RBFOX1: variants seen among roughly 807,000 people sequenced by gnomAD.
The protein encoded by RBFOX1 is RNA binding protein fox-1 homolog 1.
A neutral mutation model predicts 57.7 loss-of-function variants in RBFOX1; 8 were observed. The observed-to-expected ratio is 0.14, with a 90% confidence interval of 0.08 to 0.25. The LOEUF (loss-of-function observed/expected upper bound fraction) is 0.25. Among genes scored for constraint, RBFOX1 ranks in the 10% least tolerant of loss-of-function variants. RBFOX1 has a pLI of 1.00. For missense variants in RBFOX1, 611 were observed against 548.5 expected, an observed-to-expected ratio of 1.11 and a Z score of -1.14; for synonymous variants, 326 against 222.4, an observed-to-expected ratio of 1.47 and a Z score of -4.15.
At chr16:7,045,267 C>T (rs372445494) in intron 3 of RBFOX1, among the ~76,000 whole-genome samples, 1 of 152,016 alleles carries the variant, frequency 6.6e-6, no homozygotes, top group Admixed American at 6.6e-5. Context: ...TGAAATGGAA[C>T]AGGTGCATGA....
intron 3 of RBFOX1, among the ~76,000 whole-genome samples, chr16:6,677,218 A>G (rs2057884181): frequency 6.6e-6 from 1 of 152,186 alleles, no homozygotes; most frequent in Non-Finnish European, 1.5e-5. Flanking sequence ...CTACAACTAG[A>G]ATACAGGTTT....
chr16:7,511,204 C>A (rs2074991396), intron 4 of RBFOX1, among the ~76,000 whole-genome samples: 1 of 152,162 alleles, frequency 6.6e-6, no homozygotes, highest in Non-Finnish European at 1.5e-5. Flanking sequence ...CTTAAAGATT[C>A]TTTTTCAGTT....
At chr16:5,348,483 A>G (rs2065192102) in intron 1 of RBFOX1, among the ~76,000 whole-genome samples, 1 of 152,250 alleles carries the variant, frequency 6.6e-6, no homozygotes, top group Non-Finnish European at 1.5e-5. Context: ...AGATGAGGAA[A>G]CAGGCATGGA....
intron 1 of RBFOX1, among the ~76,000 whole-genome samples, chr16:6,231,216 TTG>T (rs530803836): frequency 1.8e-4 from 26 of 145,050 alleles, no homozygotes; most frequent in African/African-American, 2.5e-4. Context: ...GTGTATGTGT[TTG>T]TGTGTGTGTG....
intron 4 of RBFOX1, among the ~76,000 whole-genome samples, chr16:7,351,489 C>T (rs1336160225): frequency 1.3e-5 from 2 of 152,076 alleles, no homozygotes; most frequent in East Asian, 1.9e-4. Context: ...AGAATAACTA[C>T]CATAATGTAT....
At chr16:7,187,469 C>T (rs1396461689) in intron 4 of RBFOX1, among the ~76,000 whole-genome samples, 1 of 151,428 alleles carries the variant, frequency 6.6e-6, no homozygotes, top group Non-Finnish European at 1.5e-5. Context: ...GCGGGCTAAT[C>T]ACGAGATCAG....
chr16:5,984,977 T>TATAGATATATATA (rs1555462740), intron 4 of RBFOX1, among the ~76,000 whole-genome samples: 1 of 40,588 alleles, frequency 2.5e-5, no homozygotes, highest in Non-Finnish European at 4.2e-5. Context: ...TATATATATA[T>TATAGATATATATA]TTTTTTTTTT....
At chr16:6,608,282 A>G (rs1428187695) in intron 2 of RBFOX1, among the ~76,000 whole-genome samples, 2 of 152,198 alleles carry the variant, frequency 1.3e-5, no homozygotes, top group African/African-American at 2.4e-5. Flanking sequence ...AAATATTTCA[A>G]AGTAAAGCCA....
intron 3 of RBFOX1, among the ~76,000 whole-genome samples, chr16:6,770,984 C>T (rs918790283): frequency 6.6e-6 from 1 of 152,106 alleles, no homozygotes; most frequent in African/African-American, 2.4e-5. Context: ...AATTCTCACC[C>T]ACAGGACCTC....
chr16:6,791,357 A>T (rs181226065), intron 3 of RBFOX1, among the ~76,000 whole-genome samples: 1 of 152,296 alleles, frequency 6.6e-6, no homozygotes, highest in East Asian at 1.9e-4. Flanking sequence ...TTTGCATCAA[A>T]TTATTTCTCT....
At chr16:5,695,139 G>A (rs2050808387) in intron 3 of RBFOX1, among the ~76,000 whole-genome samples, 1 of 152,054 alleles carries the variant, frequency 6.6e-6, no homozygotes, top group Admixed American at 6.6e-5. Context: ...ATAAATTAGG[G>A]TGAGATATTT....
At position 5,946,717 on chromosome 16, in the gene RBFOX1, C is replaced by T. The variant is rs1305045296; in HGVS notation, c.351+79382C>T. Among the ~76,000 whole-genome samples, 2 of 152,208 alleles carry T rather than the reference C, an allele frequency of 1.3e-5. No homozygotes were observed. Among genetic ancestry groups the T allele is most frequent in the Non-Finnish European group, 2.9e-5 (2 of 68,044 alleles). The stretch of plus-strand genomic sequence containing the variant: ...TGGTGAGAAGGGAAGTACAGGCTTG[C>T]TCTGAAGTGGGGCCAGTCTTGTGGG... On this transcript the variant is annotated intron_variant, in intron 4 of 19. Coordinates refer to the RBFOX1 transcript ENST00000641259. The surrounding 1 kb of genome is among the most constrained non-coding windows in gnomAD (Gnocchi z 4.6).
chr16:5,597,588 C>A (rs11076946), intron 2 of RBFOX1, among the ~76,000 whole-genome samples: 1 of 151,614 alleles, frequency 6.6e-6, no homozygotes, highest in Middle Eastern at 3.2e-3. Flanking sequence ...TTAGTAGAGA[C>A]GGTGTTTCAC....
At chr16:6,787,101 C>G (rs1299899188) in intron 3 of RBFOX1, among the ~76,000 whole-genome samples, 1 of 152,134 alleles carries the variant, frequency 6.6e-6, no homozygotes, top group Non-Finnish European at 1.5e-5. Flanking sequence ...TGTACCTTCA[C>G]CGAAATGCAA....
intron 4 of RBFOX1, among the ~76,000 whole-genome samples, chr16:7,232,303 G>C (rs894308240): frequency 6.6e-6 from 1 of 152,152 alleles, no homozygotes; most frequent in African/African-American, 2.4e-5. Flanking sequence ...AAACCATGGA[G>C]ACCAAGGGAG....
rs1160767624 is a variant in RBFOX1 at position 5,266,054 on chromosome 16, A to G, written c.219+25949A>G. Among the ~76,000 whole-genome samples the G allele has an allele frequency of 2.7e-5, 4 of 150,288 alleles. No individual in the cohort carries two copies. In the East Asian group the frequency reaches 7.8e-4, roughly 29 times the overall value. Reference sequence around the variant, plus strand: ...AGGCACCAGGCTGATTAAAAAAAAAACTCTGGATTTTCTTTGTTTTGGACT... The same window carrying G: ...AGGCACCAGGCTGATTAAAAAAAAAGCTCTGGATTTTCTTTGTTTTGGACT... On this transcript the variant is annotated intron_variant, in intron 1 of 2. Coordinates refer to the RBFOX1 transcript ENST00000585867.
intron 2 of RBFOX1, among the ~76,000 whole-genome samples, chr16:6,628,337 G>C (rs1049176689): frequency 6.6e-6 from 1 of 152,180 alleles, no homozygotes; most frequent in African/African-American, 2.4e-5. Context: ...TAAACCTAGA[G>C]TATGTCCCAA....
At chr16:5,735,500 C>G (rs1567467131) in intron 3 of RBFOX1, among the ~76,000 whole-genome samples, 1 of 152,234 alleles carries the variant, frequency 6.6e-6, no homozygotes, top group Admixed American at 6.5e-5. Flanking sequence ...CCTTCAGTTC[C>G]TTCCCGCTTC....
intron 3 of RBFOX1, among the ~76,000 whole-genome samples, chr16:6,829,901 C>T (rs760107793): frequency 6.9e-6 from 1 of 144,944 alleles, no homozygotes; most frequent in Non-Finnish European, 1.5e-5. Flanking sequence ...CATGCCCAGC[C>T]CTTTATTTTT....
Sources: allele counts gnomAD v4.1 joint callset (sites outside exome capture counted in the v4.1 genomes callset), GRCh38; gene constraint gnomAD v4.1.1; non-coding constraint Gnocchi (gnomAD v3.1); transcripts MANE v1.5; gene names NCBI Gene and HGNC (gene_info 2026-07-23, HGNC 2026-07-21).